FN1: variants seen among roughly 807,000 people sequenced by gnomAD.
FN1 encodes fibronectin.
FN1 carries 106 observed loss-of-function variants against 297.3 expected under a neutral mutation model. The ratio of observed to expected loss-of-function variants is 0.36; its 90% confidence interval spans 0.30 to 0.42. The LOEUF (loss-of-function observed/expected upper bound fraction) is 0.42, where lower values mean the gene tolerates loss of function less well. FN1 is among the 10% of genes least tolerant of loss of function. The probability of loss-of-function intolerance (pLI) is 1.00; values close to 1 mark genes in which losing one functional copy is unlikely to be tolerated. For synonymous variants in FN1, 1,149 were observed against 1,152.6 expected, an observed-to-expected ratio of 1.00 and a Z score of 0.06; for missense variants, 2,690 against 3,124.9, an observed-to-expected ratio of 0.86 and a Z score of 3.32.
Position 215,434,754 on chromosome 2 carries a change from C to A in FN1, c.219G>T (p.Ala73=), listed in dbSNP as rs749472028. 2.5e-5 allele frequency: 41 copies of A among 1,614,064 alleles called. No homozygotes were observed. The highest frequency in any genetic ancestry group is 3.4e-5 in the Non-Finnish European group (40 of 1,179,932). Residue 73 remains alanine, a synonymous_variant, in exon 2 of 46, where the codon GCG becomes GCT. Transcript: ENST00000354785. ...TTCCTCCATAACAAGTACAAACCAA[C>A]GCATTGCCTAGGTAGGTCCGCTCCC... The part of the protein sequence containing the change: ...QQWERTYLGN[A]LVCTCYGGSR...
chr2:215,383,255 G>C, intron 31 of FN1, 73 bp downstream of exon 31: 5 of 1,441,208 alleles, frequency 3.5e-6, no homozygotes, highest in Admixed American at 3.3e-5. Flanking sequence ...TGATCTGCCC[G>C]CATCAGCCTC....
intron 15 of FN1, 51 bp downstream of exon 15, chr2:215,409,512 A>C: frequency 2.5e-6 from 4 of 1,576,300 alleles, no homozygotes; most frequent in Non-Finnish European, 3.5e-6. Flanking sequence ...CCACAAGGAG[A>C]GTTTTCCAGC....
chr2:215,409,495 C>T, intron 15 of FN1, 68 bp downstream of exon 15: 1 of 1,494,596 alleles, frequency 6.7e-7, no homozygotes, highest in Non-Finnish European at 9.3e-7. Context: ...CTAGAGGCCA[C>T]CCACCCCCAC....
In FN1 at chr2:215,408,124, G is replaced by A. The variant is rs2062042872; in HGVS notation, c.2502C>T (p.Pro834=). 6.8e-6 allele frequency: 11 copies of A among 1,613,980 alleles called. No homozygotes were observed. Among genetic ancestry groups the A allele is most frequent in the Non-Finnish European group, 9.3e-6 (11 of 1,179,932 alleles). ...DTSIVVRWSR[P]QAPITGYRIV... is the part of the protein sequence containing the mutation. ...TTAGCTGACCTGTGATGGGAGCCTG[G>A]GGTCTGCTCCAGCGAACAACAATTG... Residue 834 remains proline, a synonymous_variant, in exon 17 of 46, where the codon CCC becomes CCT. Coordinates refer to ENST00000354785, the MANE Select transcript of FN1 (RefSeq NM_212482.4).
chr2:215,380,574 T>TG, intron 33 of FN1: 1 of 572,520 alleles, frequency 1.7e-6, no homozygotes, highest in South Asian at 2.1e-5. Context: ...TCAAATGTCT[T>TG]GCTTTATGGT....
At chr2:215,367,764 A>G in intron 42 of FN1, 99 bp downstream of exon 42, 3 of 1,189,014 alleles carry the variant, frequency 2.5e-6, no homozygotes, top group South Asian at 2.5e-5. Context: ...CATGTTTGGA[A>G]GAACCTGTGT....
At chr2:215,431,765 T>G (rs1022633160) in intron 4 of FN1, 68 bp downstream of exon 4, 9 of 1,537,316 alleles carry the variant, frequency 5.9e-6, no homozygotes, top group African/African-American at 2.7e-5. Flanking sequence ...TATGTAGATG[T>G]GATTCTGGTC....
intron 21 of FN1, 55 bp from the exon 22 acceptor site, chr2:215,397,903 T>C: frequency 6.9e-7 from 1 of 1,453,994 alleles, no homozygotes; most frequent in Non-Finnish European, 9.7e-7. Flanking sequence ...AGAGGACTGT[T>C]ACTGCTGTGA....
At chr2:215,367,503 A>C (rs944626275) in intron 42 of FN1, among the ~76,000 whole-genome samples, 7 of 152,206 alleles carry the variant, frequency 4.6e-5, no homozygotes, top group Non-Finnish European at 8.8e-5. Flanking sequence ...TCAACACTGA[A>C]GATTAAAAGA....
At chr2:215,372,914 G>C (rs1315214843) in intron 39 of FN1, among the ~76,000 whole-genome samples, 1 of 152,162 alleles carries the variant, frequency 6.6e-6, no homozygotes, top group East Asian at 1.9e-4. Flanking sequence ...GGATGCAAAA[G>C]TAAGACATTA....
chr2:215,435,562 ACACGCGCGCG>A (rs1340201906), intron 1 of FN1, 83 bp downstream of exon 1: 1 of 1,555,052 alleles, frequency 6.4e-7, no homozygotes, highest in Admixed American at 1.8e-5. Flanking sequence ...ACACTCGCAC[ACACGCGCGCG>A]CACAAAACTT....
chr2:215,428,458 C>T (rs2065892059), intron 5 of FN1, 120 bp from the exon 6 acceptor site: 1 of 853,282 alleles, frequency 1.2e-6, no homozygotes, highest in African/African-American at 1.7e-5. Context: ...TGTTCATATT[C>T]AGCTCTGGTG....
Position 215,382,290 on chromosome 2 carries a change from T to C in FN1, c.5086A>G (p.Thr1696Ala). The C allele has an allele frequency of 4.3e-6, 7 of 1,613,882 alleles. No homozygotes were observed. The highest frequency in any genetic ancestry group is 5.9e-6 in the Non-Finnish European group (7 of 1,179,750). The change falls in exon 32 of 46, where the codon ACA (threonine) becomes GCA (alanine). Residue 1696 changes from threonine to alanine, a missense_variant. Coordinates refer to ENST00000354785, the MANE Select transcript of FN1 (RefSeq NM_212482.4). ...TAGACACTAACCACATACTCCACTG[T>C]GGGCTGCAAGCCTTCAATAGTCATT... is the stretch of plus-strand genomic sequence containing the variant. The part of the protein sequence containing the change: ...TEMTIEGLQP[T>A]VEYVVSVYAQ...
chr2:215,430,565 G>C, intron 5 of FN1, 150 bp downstream of exon 5: 1 of 792,418 alleles, frequency 1.3e-6, no homozygotes, highest in Non-Finnish European at 2.1e-6. Flanking sequence ...TGCGGAATAA[G>C]TTGGTTATGA....
At position 215,409,732 on chromosome 2, in the gene FN1, G is replaced by A. The variant is rs140116931; in HGVS notation, c.2130C>T (p.Thr710=). 1.2e-3 allele frequency: 1,947 copies of A among 1,614,046 alleles called. 6 individuals are homozygous for A. Among genetic ancestry groups the A allele is most frequent in the Non-Finnish European group, 1.5e-3 (1,746 of 1,179,964 alleles). The change falls in exon 15 of 46, where the codon ACC becomes ACT. Residue 710 remains threonine (T), a synonymous_variant. Transcript: ENST00000354785. Reference sequence around the variant, plus strand: ...AAAAGGGAGTCGTCTCTCCTGTCACGGTGTTGCCTAGAGAGTCACAGAAAG... The same window carrying A: ...AAAAGGGAGTCGTCTCTCCTGTCACAGTGTTGCCTAGAGAGTCACAGAAAG... ...TSTSTPVTSN[T]VTGETTPFSP...
Position 215,386,075 on chromosome 2 carries a change from C to CATTTTTTTT in FN1, c.4612+613_4612+614insAAAAAAAAT, listed in dbSNP as rs1339170607. ...ACAAGCGTGAGCCATTGCGCCTGGC[C>CATTTTTTTT]CTTTTTTTTTTTTTTTTTTTGAGAC... On this transcript the variant is annotated intron_variant, in intron 28 of 45. Transcript: ENST00000354785. Among the ~76,000 whole-genome samples the CATTTTTTTT allele has an allele frequency of 1.3e-4, 15 of 111,688 alleles. No homozygotes were observed. The Admixed American group carries it at 1.4e-3, about 11-fold the overall frequency. 73.3% of individuals were successfully genotyped at this position (111,688 alleles called of 152,430 possible).
rs1297952345 is a variant in FN1, at chr2:215,435,705, G to A, written c.98C>T (p.Ala33Val). 31 of 1,612,606 alleles carry A rather than the reference G, an allele frequency of 1.9e-5. No individual in the cohort carries two copies. The highest frequency in any genetic ancestry group is 2.6e-5 in the Non-Finnish European group (31 of 1,179,784). The change falls in exon 1 of 46, where the codon GCT becomes GTT. Residue 33 changes from alanine to valine, a missense_variant. Ala to Val is a moderately conservative substitution (Grantham distance 64). This residue lies in a region of FN1 where 876 missense variants were observed against 1,058.1 expected (regional missense o/e 0.83). Transcript: ENST00000354785. The stretch of plus-strand genomic sequence containing the variant: ...GGACTGGGGCTGAACCATTTGCTGA[G>A]CCTGCCTCTTGCTCTTCGAGGCTCC... Reference protein sequence around the residue: ...STGASKSKRQAQQMVQPQSPV... With the variant: ...STGASKSKRQVQQMVQPQSPV...
intron 6 of FN1, among the ~76,000 whole-genome samples, chr2:215,427,744 CA>C (rs1202327703): frequency 6.6e-6 from 1 of 152,058 alleles, no homozygotes; most frequent in Non-Finnish European, 1.5e-5. Context: ...AACAAACAAA[CA>C]AAAAATCCAA....
In FN1 at chr2:215,434,828, C is replaced by G; in HGVS notation, c.149-4G>C. The G allele has an allele frequency of 6.2e-7, 1 of 1,609,038 alleles. No individual in the cohort carries two copies. The highest frequency in any genetic ancestry group is 8.5e-7 in the Non-Finnish European group (1 of 1,177,350). On this transcript the variant is annotated splice_polypyrimidine_tract_variant and splice_region_variant and intron_variant, in intron 1 of 45. Coordinates refer to ENST00000354785, the MANE Select transcript of FN1 (RefSeq NM_212482.4). ...TTTCCATTGTCATAACAACCGGCTG[C>G]AAATAATTGAAGGAAAACGTTACAT...
Sources: gnomAD v4.1 joint callset for allele counts (sites outside exome capture counted in the v4.1 genomes callset) on GRCh38, gnomAD v4.1.1 for gene constraint, gnomAD v4.1.1 regional missense constraint, MANE v1.5 for transcripts, NCBI Gene and HGNC (gene_info 2026-07-23, HGNC 2026-07-21) for gene names.